The following EVI5 variants were observed in gnomAD, a reference collection of about 807,000 sequenced individuals.
The protein encoded by EVI5 is ecotropic viral integration site 5 protein homolog.
EVI5 carries 73 observed loss-of-function variants against 112.0 expected under a neutral mutation model. The observed-to-expected ratio is 0.65, with a 90% CI of 0.54 to 0.79. The LOEUF (loss-of-function observed/expected upper bound fraction) is 0.79, where lower values mean the gene tolerates loss of function less well. Ranked by LOEUF, EVI5 falls within the 30% of genes least tolerant of loss-of-function variation. The pLI is 0.00. For synonymous variants in EVI5, 305 were observed against 319.9 expected, an observed-to-expected ratio of 0.95 and a Z score of 0.50; for missense variants, 900 against 968.8, an observed-to-expected ratio of 0.93 and a Z score of 0.94.
intron 4 of EVI5, among the ~76,000 whole-genome samples, chr1:92,702,762 C>G (rs891921371): frequency 1.3e-5 from 2 of 149,386 alleles, no homozygotes; most frequent in African/African-American, 5.0e-5. Context: ...GCTGAGATCA[C>G]ACCGCTGCAC....
chr1:92,720,546 A>C (rs1382085804), intron 2 of EVI5, among the ~76,000 whole-genome samples: 1 of 152,252 alleles, frequency 6.6e-6, no homozygotes, highest in South Asian at 2.1e-4. Context: ...TAAAGACTTA[A>C]ATGTTAGACC....
At chr1:92,605,243 G>A (rs1018012655) in intron 18 of EVI5, 64 bp downstream of exon 18, 1 of 1,071,756 alleles carries the variant, frequency 9.3e-7, no homozygotes, top group East Asian at 2.4e-5. Context: ...GTAAGTTACT[G>A]TTCAGACAAA....
At chr1:92,756,757 C>T in intron 1 of EVI5, 1 of 500,816 alleles carries the variant, frequency 2.0e-6, no homozygotes, top group South Asian at 1.5e-5. Flanking sequence ...ATCTACTATG[C>T]ACGCCTCATC....
chr1:92,578,717 A>C (rs1203000882), intron 18 of EVI5, among the ~76,000 whole-genome samples: 1 of 72,054 alleles, frequency 1.4e-5, no homozygotes, highest in South Asian at 3.1e-4. Flanking sequence ...GACTCTGTCT[A>C]AAAAAAAAAA....
chr1:92,612,710 A>AAC (rs1401120326), intron 16 of EVI5, among the ~76,000 whole-genome samples: 1 of 14,402 alleles, frequency 6.9e-5, no homozygotes, highest in Non-Finnish European at 1.5e-4. Context: ...ACTCCATCTC[A>AAC]AAAAAAAAAA....
chr1:92,565,090 G>A (rs1442500911), intron 18 of EVI5, among the ~76,000 whole-genome samples: 4 of 152,158 alleles, frequency 2.6e-5, no homozygotes, highest in South Asian at 2.1e-4. Flanking sequence ...GCTCTGATCC[G>A]GAGCCATCTA....
intron 2 of EVI5, chr1:92,713,913 C>G (rs573683240): frequency 2.0e-6 from 1 of 489,858 alleles, no homozygotes; most frequent in African/African-American, 2.1e-5. Flanking sequence ...TTTTAAACCA[C>G]GCAAATAATG....
intron 19 of EVI5, among the ~76,000 whole-genome samples, chr1:92,538,482 A>AT (rs1457228853): frequency 6.6e-6 from 1 of 152,242 alleles, no homozygotes; most frequent in Non-Finnish European, 1.5e-5. Flanking sequence ...TTCAGAGGAA[A>AT]TTCTTGTTCT....
intron 2 of EVI5, among the ~76,000 whole-genome samples, chr1:92,715,340 C>T (rs1016997553): frequency 1.1e-4 from 16 of 152,080 alleles, no homozygotes; most frequent in South Asian, 1.0e-3. Flanking sequence ...TACACACACG[C>T]GACTCAAAAT....
intron 19 of EVI5, among the ~76,000 whole-genome samples, chr1:92,545,466 G>A (rs545500033): frequency 3.8e-4 from 58 of 151,476 alleles, no homozygotes; most frequent in Non-Finnish European, 5.6e-4. Flanking sequence ...AAAAATCATG[G>A]TATAGTCAAA....
chr1:92,679,303 G>A lies in EVI5; in HGVS notation c.1098-2085C>T, dbSNP rs1667232574. Among the ~76,000 whole-genome samples, 4 of 152,098 alleles carry A rather than the reference G, an allele frequency of 2.6e-5. No individual in the cohort carries two copies. The South Asian group carries it at 6.2e-4, about 24-fold the overall frequency. On this transcript the variant is annotated intron_variant, in intron 9 of 19. Coordinates refer to ENST00000684568, the MANE Select transcript of EVI5 (RefSeq NM_001350197.2). ...GCGGTCCCTAGTGTCAAAAAGGCTG[G>A]GGACCACTGTCTTAAAAGACTATAA...
At chr1:92,653,455 C>G (rs1415303946) in intron 13 of EVI5, among the ~76,000 whole-genome samples, 1 of 152,228 alleles carries the variant, frequency 6.6e-6, no homozygotes, top group Non-Finnish European at 1.5e-5. Flanking sequence ...CTGTGCTTGG[C>G]TCTACAAGGC....
At chr1:92,584,728 T>C (rs958183455) in intron 18 of EVI5, among the ~76,000 whole-genome samples, 4 of 152,208 alleles carry the variant, frequency 2.6e-5, no homozygotes, top group African/African-American at 9.6e-5. Context: ...GGACAAAGGT[T>C]TGAATATTCT....
At chr1:92,685,236 T>G (rs764385965) in intron 9 of EVI5, among the ~76,000 whole-genome samples, 11 of 152,138 alleles carry the variant, frequency 7.2e-5, no homozygotes, top group Non-Finnish European at 1.5e-4. Context: ...AAATTAGAAC[T>G]CAGGATTCAG....
chr1:92,626,839 A>T lies in EVI5; in HGVS notation c.1528-905T>A, dbSNP rs1335349429. Among the ~76,000 whole-genome samples, 4 of 152,356 alleles carry T rather than the reference A, an allele frequency of 2.6e-5. 1 individual carries two copies. The South Asian group carries it at 8.3e-4, about 32-fold the overall frequency. On this transcript the variant is annotated intron_variant, in intron 14 of 19. Transcript: ENST00000684568. ...TTTTTAAATATTCATAGAAAATAGT[A>T]GTCCAAAATCTGTTTTTGTTGTATT...
intron 1 of EVI5, among the ~76,000 whole-genome samples, chr1:92,778,256 G>T (rs149298204): frequency 6.6e-6 from 1 of 152,036 alleles, no homozygotes; most frequent in East Asian, 1.9e-4. Flanking sequence ...AGAACAAACC[G>T]GTTTATGCCA....
intron 1 of EVI5, among the ~76,000 whole-genome samples, chr1:92,750,684 T>C (rs1680040494): frequency 6.6e-6 from 1 of 152,164 alleles, no homozygotes; most frequent in Non-Finnish European, 1.5e-5. Flanking sequence ...CCCTTACTTT[T>C]AATTTTTACC....
intron 14 of EVI5, among the ~76,000 whole-genome samples, chr1:92,631,898 T>G (rs1361237649): frequency 3.3e-5 from 5 of 152,254 alleles, no homozygotes; most frequent in Non-Finnish European, 5.9e-5. Flanking sequence ...GAAGGGCTGC[T>G]GAATTTTGTC....
At chr1:92,516,325 A>G (rs1376540539) in intron 19 of EVI5, among the ~76,000 whole-genome samples, 1 of 152,200 alleles carries the variant, frequency 6.6e-6, no homozygotes, top group African/African-American at 2.4e-5. Context: ...CTCTAACAAA[A>G]TTTATTGCAA....
Sources: allele counts gnomAD v4.1 joint callset (sites outside exome capture counted in the v4.1 genomes callset), GRCh38; gene constraint gnomAD v4.1.1; transcripts MANE v1.5; gene names NCBI Gene and HGNC (gene_info 2026-07-23, HGNC 2026-07-21).